The following OGDHL variants were observed in gnomAD, a reference collection of about 807,000 sequenced individuals.
OGDHL encodes 2-oxoglutarate dehydrogenase-like, mitochondrial.
OGDHL carries 79 observed loss-of-function variants against 109.6 expected under a neutral mutation model. The ratio of observed to expected loss-of-function variants is 0.72; its 90% CI spans 0.60 to 0.87. OGDHL has a LOEUF of 0.87. Ranked by LOEUF, OGDHL falls within the 40% of genes least tolerant of loss-of-function variation. OGDHL has a pLI of 0.00. For synonymous variants in OGDHL, 528 were observed against 537.2 expected (o/e 0.98, Z 0.24); for missense variants, 1,275 against 1,362.2 (o/e 0.94, Z 1.01).
chr10:49,742,093 A>ACC (rs745855973), intron 15 of OGDHL, among the ~76,000 whole-genome samples: 2 of 137,568 alleles, frequency 1.5e-5, no homozygotes, highest in Non-Finnish European at 3.1e-5. Flanking sequence ...CATACCACAC[A>ACC]AACACCCTCA....
chr10:49,756,971 C>T (rs1352498060), intron 2 of OGDHL, 25 bp from the exon 3 acceptor site: 1 of 1,602,840 alleles, frequency 6.2e-7, no homozygotes, highest in Non-Finnish European at 8.5e-7. Flanking sequence ...AACAAGAACG[C>T]AGCCAGGTCA....
chr10:49,739,504 G>T, intron 17 of OGDHL, 157 bp downstream of exon 17: 2 of 784,372 alleles, frequency 2.5e-6, no homozygotes, highest in Non-Finnish European at 3.8e-6. Context: ...AGCAGCTGCA[G>T]CATGCACATG....
At chr10:49,759,913 C>A (rs556259583) in intron 1 of OGDHL, among the ~76,000 whole-genome samples, 2 of 152,358 alleles carry the variant, frequency 1.3e-5, no homozygotes, top group South Asian at 4.1e-4. Flanking sequence ...CCAGGCCAGG[C>A]CCTGAGCCAA....
At chr10:49,758,921 G>C (rs1464424212) in intron 1 of OGDHL, among the ~76,000 whole-genome samples, 3 of 151,702 alleles carry the variant, frequency 2.0e-5, no homozygotes, top group African/African-American at 7.3e-5. Context: ...CCCTGCCTCA[G>C]GGAGCACCCA....
In OGDHL at chr10:49,742,950, C is replaced by G. The variant is rs766441363; in HGVS notation, c.1890G>C (p.Ala630=). ...TGLSRILRGR[A]DMTKNRTVDW... is the part of the protein sequence containing the mutation. ...CCACCGTCCGGTTCTTGGTCATGTC[C>G]GCACGGCCCCGCAGAATGCGAGAGA... The change falls in exon 15 of 23, where the codon GCG becomes GCC. Residue 630 remains alanine, a synonymous_variant. Coordinates refer to ENST00000374103, the MANE Select transcript of OGDHL (RefSeq NM_018245.3). 1.2e-6 allele frequency: 2 copies of G among 1,613,700 alleles called. No individual in the cohort carries two copies. The highest frequency in any genetic ancestry group is 2.2e-5 in the South Asian group (2 of 91,086).
chr10:49,741,004 C>A (rs774769536), intron 15 of OGDHL, among the ~76,000 whole-genome samples, 167 bp from the exon 16 acceptor site: 8 of 152,024 alleles, frequency 5.3e-5, no homozygotes, highest in Non-Finnish European at 1.2e-4. Context: ...AAAACCAGAG[C>A]CATGTGGTCC....
At chr10:49,742,470 C>CACACATATATCACACACA (rs1841837740) in intron 15 of OGDHL, among the ~76,000 whole-genome samples, 1 of 75,534 alleles carries the variant, frequency 1.3e-5, no homozygotes, top group African/African-American at 4.3e-5. Flanking sequence ...CCACACACAC[C>CACACATATATCACACACA]CCCTATACAC....
chr10:49,760,671 C>T (rs748678116), intron 1 of OGDHL, among the ~76,000 whole-genome samples: 3 of 152,266 alleles, frequency 2.0e-5, no homozygotes, highest in African/African-American at 4.8e-5. Context: ...ATCCTCCCAA[C>T]ATCCCATGGG....
chr10:49,745,732 A>G (rs77462587), intron 11 of OGDHL, 66 bp downstream of exon 11: 1 of 1,549,236 alleles, frequency 6.5e-7, no homozygotes, highest in Non-Finnish European at 8.8e-7. Flanking sequence ...TGCTGATGAC[A>G]TGGCTGGCTC....
chr10:49,744,855 C>T lies in OGDHL; in HGVS notation c.1630-103G>A. ...TCCTGGTCCCCATCACCAAGTTCTTCTAGAACTCTCTGTCTCTGGCCTATA... is the reference window on the plus strand; with the variant it reads ...TCCTGGTCCCCATCACCAAGTTCTTTTAGAACTCTCTGTCTCTGGCCTATA... On this transcript the variant is annotated intron_variant, in intron 12 of 22. Transcript: ENST00000374103. The T allele has an allele frequency of 3.3e-6, 3 of 896,602 alleles. No homozygotes were observed. The South Asian group carries it at 4.4e-5, about 13-fold the overall frequency. 55.5% of individuals were successfully genotyped at this position (896,602 alleles called of 1,614,324 possible).
intron 17 of OGDHL, 99 bp downstream of exon 17, chr10:49,739,562 G>C: frequency 7.0e-7 from 1 of 1,430,978 alleles, no homozygotes; most frequent in South Asian, 1.4e-5. Context: ...GGCCTGGAAG[G>C]CATATACCGT....
At chr10:49,747,789 G>A (rs569488028) in intron 8 of OGDHL, among the ~76,000 whole-genome samples, 1 of 152,142 alleles carries the variant, frequency 6.6e-6, no homozygotes, top group East Asian at 1.9e-4. Context: ...GCAGGCAAAG[G>A]GCAAATTCCC....
intron 6 of OGDHL, among the ~76,000 whole-genome samples, chr10:49,751,440 C>CA (rs143621901): frequency 0.41 from 62,351 of 151,730 alleles, 14,754 homozygotes; most frequent in East Asian, 0.89. Context: ...GGTGCTCCCC[C>CA]AGCCCCTGCA....
intron 15 of OGDHL, among the ~76,000 whole-genome samples, chr10:49,741,657 A>G (rs935721075): frequency 6.6e-6 from 1 of 150,610 alleles, no homozygotes; most frequent in Non-Finnish European, 1.5e-5. Flanking sequence ...CCACACACAT[A>G]CATACACATG....
chr10:49,751,987 G>T lies in OGDHL; in HGVS notation c.595-6C>A, dbSNP rs946491101. 1 of 1,613,996 alleles carries T rather than the reference G, an allele frequency of 6.2e-7. No homozygotes were observed. Among genetic ancestry groups the T allele is most frequent in the African/African-American group, 1.3e-5 (1 of 74,894 alleles). ...ATGTGCTGGCAGTAGGTGTTCTGGG[G>T]AGACACATTGGGACCCCATGAGGAG... On this transcript the variant is annotated splice_region_variant and splice_polypyrimidine_tract_variant and intron_variant, in intron 5 of 22. Transcript: ENST00000374103.
chr10:49,746,088 A>C (rs1590722839), intron 10 of OGDHL, 111 bp from the exon 11 acceptor site: 1 of 1,245,644 alleles, frequency 8.0e-7, no homozygotes, highest in East Asian at 2.5e-5. Context: ...TGAGGTGCCC[A>C]GGAGGAATGT....
intron 14 of OGDHL, 137 bp downstream of exon 14, chr10:49,743,857 G>A (rs939676188): frequency 1.1e-4 from 119 of 1,088,236 alleles, no homozygotes; most frequent in South Asian, 2.7e-4. Context: ...ACATGGTGCC[G>A]AGAGCTACGT....
rs762131405 is a variant in OGDHL at position 49,744,085 on chromosome 10, T to C, written c.1770A>G (p.Thr590=). The change falls in exon 14 of 23, where the codon ACA becomes ACG. Residue 590 remains threonine (T), a synonymous_variant. Transcript: ENST00000374103. ...FNVDGEPKSM[T]CPATGIPEDM... is the part of the protein sequence containing the mutation. ...CCTCAGGGATCCCCGTGGCTGGGCA[T>C]GTCATGCTCTTGGGCTCCCCATCTA... is the stretch of plus-strand genomic sequence containing the variant. 1 of 1,613,882 alleles carries C rather than the reference T, an allele frequency of 6.2e-7. No individual in the cohort carries two copies. Among genetic ancestry groups the C allele is most frequent in the South Asian group, 1.1e-5 (1 of 91,052 alleles).
Position 49,735,234 on chromosome 10 carries a change from T to C in OGDHL, c.3027A>G (p.Thr1009=). 1 of 1,613,554 alleles carries C rather than the reference T, an allele frequency of 6.2e-7. No individual in the cohort carries two copies. The highest frequency in any genetic ancestry group is 8.5e-7 in the Non-Finnish European group (1 of 1,179,712). ...AFNLQAFEGK[T]F is the part of the protein sequence containing the mutation. ...ACACAGGTTTTGCCCAGCTCTAAAA[T>C]GTCTTGCCCTCAAAGGCCTGGAGAT... Residue 1009 remains threonine (T), a synonymous_variant, in exon 23 of 23, where the codon ACA becomes ACG. Coordinates refer to ENST00000374103, the MANE Select transcript of OGDHL (RefSeq NM_018245.3).
Sources: gnomAD v4.1 joint callset for allele counts (sites outside exome capture counted in the v4.1 genomes callset) on GRCh38, gnomAD v4.1.1 for gene constraint, MANE v1.5 for transcripts, NCBI Gene and HGNC (gene_info 2026-07-23, HGNC 2026-07-21) for gene names.